The following TACO1 variants were observed in gnomAD, a reference collection of about 807,000 sequenced individuals.
TACO1 encodes the protein translational activator of cytochrome c oxidase I.
TACO1 carries 13 observed loss-of-function variants against 24.0 expected under a neutral mutation model. The ratio of observed to expected loss-of-function variants is 0.54; its 90% CI spans 0.35 to 0.86. The LOEUF (loss-of-function observed/expected upper bound fraction) is 0.86, where lower values mean the gene tolerates loss of function less well. Ranked by LOEUF, TACO1 falls within the 40% of genes least tolerant of loss-of-function variation. The probability of loss-of-function intolerance (pLI) is 0.01; values close to 1 mark genes in which losing one functional copy is unlikely to be tolerated. For missense variants in TACO1, 352 were observed against 380.1 expected, an observed-to-expected ratio of 0.93 and a Z score of 0.61; for synonymous variants, 149 against 153.5, an observed-to-expected ratio of 0.97 and a Z score of 0.22.
chr17:63,604,751 C>T lies in TACO1; in HGVS notation c.387+111C>T, dbSNP rs1310862426. 2.0e-5 allele frequency: 20 copies of T among 989,584 alleles called. No homozygotes were observed. In the East Asian group the frequency reaches 4.1e-4, roughly 20 times the overall value. The allele number at this position is 989,584 out of a possible 1,614,324, so 61.3% of individuals were successfully genotyped here. A position where few individuals can be genotyped will look rare whatever the true frequency, so the allele number is the denominator to read the frequency against. ...CAGAGGGGCCAAGTGCAGTGGCTCA[C>T]GACTATAATCCCAGCACTTTGGGAG... is the stretch of plus-strand genomic sequence containing the variant. On this transcript the variant is annotated intron_variant, in intron 2 of 4. Transcript: ENST00000258975.
At chr17:63,607,740 C>T (rs2033873844) in intron 4 of TACO1, 62 bp from the exon 5 acceptor site, 6 of 1,486,620 alleles carry the variant, frequency 4.0e-6, no homozygotes, top group East Asian at 4.5e-5. Flanking sequence ...TTTGCAAGGT[C>T]CTGTGTGGCT....
At chr17:63,606,603 T>C in intron 3 of TACO1, 163 bp downstream of exon 3, 4 of 819,020 alleles carry the variant, frequency 4.9e-6, no homozygotes, top group Non-Finnish European at 8.0e-6. Flanking sequence ...TGGAGTGCAA[T>C]GGCATGATCT....
At chr17:63,601,787 G>GC (rs1377131971) in intron 1 of TACO1, among the ~76,000 whole-genome samples, 1 of 152,146 alleles carries the variant, frequency 6.6e-6, no homozygotes, top group Non-Finnish European at 1.5e-5. Context: ...TTACTTAAGT[G>GC]CTTAGGCCTT....
intron 2 of TACO1, among the ~76,000 whole-genome samples, chr17:63,605,127 G>A (rs1337122067): frequency 6.6e-6 from 1 of 152,176 alleles, no homozygotes; most frequent in Non-Finnish European, 1.5e-5. Flanking sequence ...AGCACAACTG[G>A]GAGTAGGATG....
chr17:63,605,561 A>G (rs2147788039), intron 2 of TACO1, among the ~76,000 whole-genome samples: 1 of 152,366 alleles, frequency 6.6e-6, no homozygotes, highest in East Asian at 1.9e-4. Context: ...CTCAAGTCGC[A>G]TAGAAAATGA....
At chr17:63,602,691 T>G (rs993969681) in intron 1 of TACO1, among the ~76,000 whole-genome samples, 3 of 151,910 alleles carry the variant, frequency 2.0e-5, no homozygotes, top group African/African-American at 7.3e-5. Flanking sequence ...CATGCCTGGC[T>G]AAATTTTTTT....
At chr17:63,604,752 G>A (rs1030222022) in intron 2 of TACO1, 112 bp downstream of exon 2, 31 of 991,530 alleles carry the variant, frequency 3.1e-5, no homozygotes, top group Non-Finnish European at 4.0e-5. Flanking sequence ...AGTGGCTCAC[G>A]ACTATAATCC....
chr17:63,606,526 G>A, intron 3 of TACO1, 86 bp downstream of exon 3: 1 of 1,555,792 alleles, frequency 6.4e-7, no homozygotes, highest in Admixed American at 1.7e-5. Flanking sequence ...ATCTCTGCTA[G>A]TGTTTCAGGG....
chr17:63,606,500 A>C, intron 3 of TACO1, 60 bp downstream of exon 3: 1 of 1,602,806 alleles, frequency 6.2e-7, no homozygotes, highest in Non-Finnish European at 8.5e-7. Flanking sequence ...AATTCTCTGC[A>C]AGGCAAGTAC....
rs2033878643 is a variant in TACO1, at chr17:63,608,214, G to A, written c.*212G>A. 1 of 628,132 alleles carries A rather than the reference G, an allele frequency of 1.6e-6. No individual in the cohort carries two copies. The highest frequency in any genetic ancestry group is 2.9e-6 in the Non-Finnish European group (1 of 349,912). The allele number at this position is 628,132 out of a possible 1,614,324, so 38.9% of individuals were successfully genotyped here. A position where few individuals can be genotyped will look rare whatever the true frequency, so the allele number is the denominator to read the frequency against. ...TGCTGTCTCAGAGCCATCTGGATGA[G>A]TGTCCCGACACCCTCTCGGATGCAG... On this transcript the variant is annotated 3_prime_UTR_variant, in exon 5 of 5. Transcript: ENST00000258975.
chr17:63,602,090 C>CAAAAAAAAAAAAAAAAAAAAA (rs11288092), intron 1 of TACO1, among the ~76,000 whole-genome samples: 1 of 84,222 alleles, frequency 1.2e-5, no homozygotes, highest in Non-Finnish European at 2.2e-5. Flanking sequence ...CTAAAAATAA[C>CAAAAAAAAAAAAAAAAAAAAA]AAAAAAAAAA....
chr17:63,603,143 G>A lies in TACO1; in HGVS notation c.281-1391G>A, dbSNP rs573812347. Among the ~76,000 whole-genome samples, 9 of 152,230 alleles carry A rather than the reference G, an allele frequency of 5.9e-5. No homozygotes were observed. The East Asian group carries it at 1.7e-3, about 29-fold the overall frequency. On this transcript the variant is annotated intron_variant, in intron 1 of 4. Coordinates refer to ENST00000258975, the MANE Select transcript of TACO1 (RefSeq NM_016360.4). ...CCCAGCTACTCAGGAGGCTGAGGCA[G>A]GAGAATGGCGTGAACCCAGAAGGCG...
Position 63,601,312 on chromosome 17 carries a change from A to G in TACO1, c.229A>G (p.Arg77Gly). 1 of 1,613,106 alleles carries G rather than the reference A, an allele frequency of 6.2e-7. No homozygotes were observed. The highest frequency in any genetic ancestry group is 8.5e-7 in the Non-Finnish European group (1 of 1,179,968). Reference sequence around the variant, plus strand: ...CATCAAGGGTCCGAAGGACGTCGAAAGGAGTCGCATCTTCTCCAAACTCTG... The same window carrying G: ...CATCAAGGGTCCGAAGGACGTCGAAGGGAGTCGCATCTTCTCCAAACTCTG... ...RHIKGPKDVERSRIFSKLCLN... is the reference protein window; with the variant it reads ...RHIKGPKDVEGSRIFSKLCLN... The change falls in exon 1 of 5, where the codon AGG becomes GGG. Residue 77 changes from arginine to glycine, a missense_variant. Arg to Gly is a moderately radical substitution (Grantham distance 125, BLOSUM62 -2). Coordinates refer to ENST00000258975, the MANE Select transcript of TACO1 (RefSeq NM_016360.4).
At chr17:63,602,090 C>CAAA (rs11288092) in intron 1 of TACO1, among the ~76,000 whole-genome samples, 48 of 84,176 alleles carry the variant, frequency 5.7e-4, no homozygotes, top group South Asian at 8.7e-4. Context: ...CTAAAAATAA[C>CAAA]AAAAAAAAAA....
chr17:63,606,300 T>G lies in TACO1; in HGVS notation c.388-13T>G. Reference sequence around the variant, plus strand: ...TGGGAAACAGGAAAATGTGCTTGTGTTGTTTATTGCAGAAATCCAAGGACA... The same window carrying G: ...TGGGAAACAGGAAAATGTGCTTGTGGTGTTTATTGCAGAAATCCAAGGACA... On this transcript the variant is annotated splice_polypyrimidine_tract_variant and intron_variant, in intron 2 of 4. Coordinates refer to ENST00000258975, the MANE Select transcript of TACO1 (RefSeq NM_016360.4). 1.2e-6 allele frequency: 2 copies of G among 1,612,790 alleles called. No individual in the cohort carries two copies. Among genetic ancestry groups the G allele is most frequent in the Non-Finnish European group, 1.7e-6 (2 of 1,180,010 alleles).
At chr17:63,605,510 C>T (rs1426940718) in intron 2 of TACO1, among the ~76,000 whole-genome samples, 3 of 152,104 alleles carry the variant, frequency 2.0e-5, no homozygotes, top group East Asian at 1.9e-4. Flanking sequence ...TCAAAACCAC[C>T]GTAAGTAGAA....
intron 3 of TACO1, chr17:63,606,645 A>C (rs569337827): frequency 1.7e-6 from 1 of 599,630 alleles, no homozygotes; most frequent in African/African-American, 1.9e-5. Flanking sequence ...TTCTGGGTTC[A>C]AGTGATTCTC....
rs538540627 is a variant in TACO1, at chr17:63,604,968, T to G, written c.387+328T>G. On this transcript the variant is annotated intron_variant, in intron 2 of 4. Transcript: ENST00000258975. Reference sequence around the variant, plus strand: ...GGTAGAGATTGCGGTGAGCCGAGATTGCACCACTGCACTCCAGCCTGGGCG... The same window carrying G: ...GGTAGAGATTGCGGTGAGCCGAGATGGCACCACTGCACTCCAGCCTGGGCG... Among the ~76,000 whole-genome samples the G allele has an allele frequency of 4.6e-5, 7 of 151,072 alleles. No individual in the cohort carries two copies. The South Asian group carries it at 1.5e-3, about 32-fold the overall frequency.
At chr17:63,604,451 G>A in intron 1 of TACO1, 83 bp from the exon 2 acceptor site, 1 of 1,220,080 alleles carries the variant, frequency 8.2e-7, no homozygotes, top group Non-Finnish European at 1.2e-6. Flanking sequence ...TTGGCTTGGT[G>A]GGGCTGGAAA....
Sources: gnomAD v4.1 joint callset for allele counts (sites outside exome capture counted in the v4.1 genomes callset) on GRCh38, gnomAD v4.1.1 for gene constraint, MANE v1.5 for transcripts, NCBI Gene and HGNC (gene_info 2026-07-23, HGNC 2026-07-21) for gene names.